The following PRDM6 variants were observed in gnomAD, a reference collection of about 807,000 sequenced individuals.
The protein encoded by PRDM6 is putative histone-lysine N-methyltransferase PRDM6.
Under a neutral mutation model 60.8 loss-of-function variants are expected in PRDM6, and 25 were observed. The observed-to-expected ratio is 0.41, with a 90% CI of 0.30 to 0.57. The LOEUF (loss-of-function observed/expected upper bound fraction) is 0.57. Ranked by LOEUF, PRDM6 falls within the 20% of genes least tolerant of loss-of-function variation. PRDM6 has a pLI of 0.27. For missense variants in PRDM6, 839 were observed against 821.3 expected (o/e 1.02, Z -0.26); for synonymous variants, 407 against 357.4 (o/e 1.14, Z -1.57).
At chr5:123,147,524 A>G (rs893396188) in intron 3 of PRDM6, among the ~76,000 whole-genome samples, 2 of 152,226 alleles carry the variant, frequency 1.3e-5, no homozygotes, top group Admixed American at 6.5e-5. Flanking sequence ...AATGGCAAAC[A>G]TGTCACAGCT....
Position 123,101,364 on chromosome 5 carries a change from T to A in PRDM6, c.900+1403T>A, listed in dbSNP as rs148692586. ...CCCAAAATGAGGACGTGGAAGCCAA[T>A]GAACTACCTACCCTATAGTTATCTG... On this transcript the variant is annotated intron_variant, in intron 3 of 7. Coordinates refer to ENST00000407847, the MANE Select transcript of PRDM6 (RefSeq NM_001136239.4). Among the ~76,000 whole-genome samples, 24 of 152,292 alleles carry A rather than the reference T, an allele frequency of 1.6e-4. No homozygotes were observed. In the East Asian group the frequency reaches 4.6e-3, roughly 29 times the overall value.
intron 3 of PRDM6, among the ~76,000 whole-genome samples, chr5:123,120,874 G>A (rs368685136): frequency 4.5e-4 from 69 of 152,280 alleles, no homozygotes; most frequent in Middle Eastern, 3.4e-3. Flanking sequence ...TTTTGGAGCC[G>A]TAGGTTTGGC....
chr5:123,172,067 G>C (rs960793000), intron 6 of PRDM6, among the ~76,000 whole-genome samples: 1 of 152,060 alleles, frequency 6.6e-6, no homozygotes, highest in African/African-American at 2.4e-5. Context: ...TGGAAGCAGG[G>C]CTCTTGGGTT....
intron 2 of PRDM6, among the ~76,000 whole-genome samples, chr5:123,093,633 G>A (rs1385297183): frequency 1.3e-5 from 2 of 152,120 alleles, no homozygotes; most frequent in African/African-American, 2.4e-5. Context: ...TATAAATGGG[G>A]GATGGGGCCC....
At chr5:123,115,511 TTTAA>T (rs1292803351) in intron 3 of PRDM6, among the ~76,000 whole-genome samples, 2 of 152,220 alleles carry the variant, frequency 1.3e-5, no homozygotes, top group Non-Finnish European at 2.9e-5. Flanking sequence ...TTTTCCTCAC[TTTAA>T]TTATGTTTTA....
At chr5:123,184,733 A>G (rs10061587) in intron 7 of PRDM6, among the ~76,000 whole-genome samples, 14,147 of 152,270 alleles carry the variant, frequency 0.093, 902 homozygotes, top group Admixed American at 0.18. Context: ...CTAAAATGTA[A>G]GATAATGAAC....
At chr5:123,150,259 C>T (rs1408634761) in intron 3 of PRDM6, among the ~76,000 whole-genome samples, 1 of 152,118 alleles carries the variant, frequency 6.6e-6, no homozygotes, top group Non-Finnish European at 1.5e-5. Context: ...AAAATCACGT[C>T]ATCACAATTG....
intron 5 of PRDM6, among the ~76,000 whole-genome samples, chr5:123,161,858 G>A (rs541560911): frequency 1.3e-5 from 2 of 152,314 alleles, no homozygotes; most frequent in African/African-American, 4.8e-5. Flanking sequence ...ATCCCTGAGT[G>A]GAGACTGGAC....
Position 123,090,096 on chromosome 5 carries a change from C to T in PRDM6, c.82C>T (p.Pro28Ser), listed in dbSNP as rs377061659. 9 of 1,546,646 alleles carry T rather than the reference C, an allele frequency of 5.8e-6. No individual in the cohort carries two copies. The highest frequency in any genetic ancestry group is 4.8e-5 in the South Asian group (4 of 83,992). The change falls in exon 2 of 8, where the codon CCT (proline) becomes TCT (serine). Residue 28 changes from proline to serine, a missense_variant. Around this residue, in one of 2 missense-constraint regions of PRDM6, gnomAD observed 730 missense variants for 648.8 expected, o/e 1.13. Coordinates refer to ENST00000407847, the MANE Select transcript of PRDM6 (RefSeq NM_001136239.4). ...AYLQHWQQLF[P>S]HGGAGPLKGS... ...CCTGCAGCACTGGCAGCAACTCTTCCCTCACGGAGGCGCAGGCCCGCTCAA... is the reference window on the plus strand; with the variant it reads ...CCTGCAGCACTGGCAGCAACTCTTCTCTCACGGAGGCGCAGGCCCGCTCAA...
Position 123,191,031 on chromosome 5 carries a change from G to T in PRDM6, c.*3830G>T, listed in dbSNP as rs1766421025. ...TGGTTGTCTTTGCTTAACTCACTGGGCTATTGGTTGTTAGCAGCAGTATCA... is the reference window on the plus strand; with the variant it reads ...TGGTTGTCTTTGCTTAACTCACTGGTCTATTGGTTGTTAGCAGCAGTATCA... On this transcript the variant is annotated 3_prime_UTR_variant, in exon 8 of 8. Transcript: ENST00000407847. The T allele has an allele frequency of 6.6e-6, 1 of 152,146 alleles. No individual in the cohort carries two copies. The highest frequency in any genetic ancestry group is 2.1e-4 in the South Asian group (1 of 4,830). 9.4% of individuals were successfully genotyped at this position (152,146 alleles called of 1,614,324 possible). A position where few individuals can be genotyped will look rare whatever the true frequency, so the allele number is the denominator to read the frequency against.
At chr5:123,138,606 TCAAA>T (rs765099079) in intron 3 of PRDM6, among the ~76,000 whole-genome samples, 11 of 152,254 alleles carry the variant, frequency 7.2e-5, no homozygotes, top group Non-Finnish European at 1.6e-4. Flanking sequence ...AAGTTTTTTG[TCAAA>T]CAAAATTATT....
intron 5 of PRDM6, among the ~76,000 whole-genome samples, chr5:123,168,775 G>T (rs1765819388): frequency 6.6e-6 from 1 of 152,246 alleles, no homozygotes; most frequent in Non-Finnish European, 1.5e-5. Context: ...TGCCGACAGA[G>T]CCCTGCAGAC....
At chr5:123,123,075 A>G (rs865786462) in intron 3 of PRDM6, among the ~76,000 whole-genome samples, 6 of 152,292 alleles carry the variant, frequency 3.9e-5, no homozygotes, top group African/African-American at 1.2e-4. Flanking sequence ...AAATACTTAT[A>G]TATTTTAAAA....
At chr5:123,171,203 C>G in intron 6 of PRDM6, 95 bp downstream of exon 6, 1 of 1,026,200 alleles carries the variant, frequency 9.7e-7, no homozygotes. Context: ...AGGGGAAGCC[C>G]TGTGATTTGT....
At chr5:123,136,060 C>T (rs1764943182) in intron 3 of PRDM6, among the ~76,000 whole-genome samples, 1 of 152,138 alleles carries the variant, frequency 6.6e-6, no homozygotes, top group Admixed American at 6.5e-5. Context: ...TCTTGTTGGG[C>T]CAACTCTCAC....
At position 123,142,936 on chromosome 5, in the gene PRDM6, A is replaced by C. The variant is rs551864127; in HGVS notation, c.901-12948A>C. On this transcript the variant is annotated intron_variant, in intron 3 of 7. Transcript: ENST00000407847. The stretch of plus-strand genomic sequence containing the variant: ...CCAAAGCAAAACAAAACAAAAAAAA[A>C]CTCAGGATTTCTAGCTCAGGAAAGG... Among the ~76,000 whole-genome samples the C allele has an allele frequency of 5.2e-4, 79 of 151,490 alleles. No homozygotes were observed. In the East Asian group the frequency reaches 8.9e-3, roughly 17 times the overall value.
chr5:123,131,698 C>T (rs191410375), intron 3 of PRDM6, among the ~76,000 whole-genome samples: 6 of 152,292 alleles, frequency 3.9e-5, no homozygotes, highest in African/African-American at 1.4e-4. Flanking sequence ...TCTTTCTCAG[C>T]AGATTGGATA....
intron 5 of PRDM6, among the ~76,000 whole-genome samples, chr5:123,163,958 G>A (rs1410891461): frequency 6.6e-6 from 1 of 151,992 alleles, no homozygotes; most frequent in African/African-American, 2.4e-5. Flanking sequence ...ACCTCTTCAC[G>A]GTGCCCCTCA....
Position 123,187,280 on chromosome 5 carries a change from C to T in PRDM6, c.*79C>T, listed in dbSNP as rs1295520851. On this transcript the variant is annotated 3_prime_UTR_variant, in exon 8 of 8. Coordinates refer to ENST00000407847, the MANE Select transcript of PRDM6 (RefSeq NM_001136239.4). ...GACACTTAAGCAAAACCAAAGATTT[C>T]CTCTGAGCAACTTTCAATCAGTCCC... 7.2e-6 allele frequency: 8 copies of T among 1,111,700 alleles called. No individual in the cohort carries two copies. In the South Asian group the frequency reaches 8.2e-5, roughly 11 times the overall value. The allele number at this position is 1,111,700 out of a possible 1,614,324, so 68.9% of individuals were successfully genotyped here.
Sources: gnomAD v4.1 joint callset for allele counts (sites outside exome capture counted in the v4.1 genomes callset) on GRCh38, gnomAD v4.1.1 for gene constraint, gnomAD v4.1.1 regional missense constraint, MANE v1.5 for transcripts, NCBI Gene and HGNC (gene_info 2026-07-23, HGNC 2026-07-21) for gene names.